The following XRRA1 variants were observed in gnomAD, a reference collection of about 807,000 sequenced individuals.
XRRA1 encodes the protein X-ray radiation resistance-associated protein 1.
A neutral mutation model predicts 80.2 loss-of-function variants in XRRA1; 69 were observed. The ratio of observed to expected loss-of-function variants is 0.86; its 90% CI spans 0.71 to 1.05. The LOEUF is 1.05. Among genes scored for constraint, XRRA1 ranks in the 50% least tolerant of loss-of-function variants. The pLI, the probability that XRRA1 is intolerant of heterozygous loss-of-function variation, is 0.00. For missense variants in XRRA1, 967 were observed against 976.4 expected (o/e 0.99, Z 0.13); for synonymous variants, 348 against 389.9 (o/e 0.89, Z 1.27).
At position 74,935,356 on chromosome 11, in the gene XRRA1, G is replaced by A. The variant is rs539273315; in HGVS notation, c.280-1484C>T. On this transcript the variant is annotated intron_variant, in intron 4 of 18. Coordinates refer to ENST00000684022, the MANE Select transcript of XRRA1 (RefSeq NM_001378157.1). Reference sequence around the variant, plus strand: ...AGAAGGAACACAGGCCTTGCAAGACGTCATTAAGCCTGTAAATTAATCTAC... The same window carrying A: ...AGAAGGAACACAGGCCTTGCAAGACATCATTAAGCCTGTAAATTAATCTAC... Among the ~76,000 whole-genome samples, 10 of 152,278 alleles carry A rather than the reference G, an allele frequency of 6.6e-5. 1 individual carries two copies. In the East Asian group the frequency reaches 1.2e-3, roughly 18 times the overall value.
chr11:74,843,771 G>A (rs2037119823), intron 18 of XRRA1, 83 bp downstream of exon 18: 1 of 1,269,732 alleles, frequency 7.9e-7, no homozygotes, highest in African/African-American at 1.5e-5. Flanking sequence ...GGCCTTTCCT[G>A]CACTGACACA....
chr11:74,938,694 C>T (rs1306753839), intron 3 of XRRA1, among the ~76,000 whole-genome samples: 1 of 151,908 alleles, frequency 6.6e-6, no homozygotes, highest in Admixed American at 6.6e-5. Context: ...GTGCCCTCAC[C>T]CAATGAATTG....
At chr11:74,921,175 C>G (rs751081682) in intron 8 of XRRA1, 39 bp downstream of exon 8, 18 of 1,603,458 alleles carry the variant, frequency 1.1e-5, no homozygotes, top group Non-Finnish European at 1.2e-5. Flanking sequence ...GATATTTGTA[C>G]ACAAAAACAC....
chr11:74,874,590 G>C lies in XRRA1; in HGVS notation c.1004-11569C>G, dbSNP rs1039521688. Among the ~76,000 whole-genome samples, 253 of 152,336 alleles carry C rather than the reference G, an allele frequency of 1.7e-3. 1 individual carries two copies. The highest frequency in any genetic ancestry group is 5.9e-3 in the African/African-American group (244 of 41,578). On this transcript the variant is annotated intron_variant, in intron 10 of 18. Coordinates refer to ENST00000684022, the MANE Select transcript of XRRA1 (RefSeq NM_001378157.1). ...ATTAACCCTGGGAAATAGCTTAACT[G>C]TTTATACCCCACATAATGTAGCACG...
chr11:74,911,225 G>A (rs2055817531), intron 8 of XRRA1: 2 of 152,084 alleles, frequency 1.3e-5, no homozygotes, highest in Admixed American at 1.3e-4. Flanking sequence ...CAATGGTATT[G>A]GTCTGGAGCC....
In XRRA1 at chr11:74,859,198, G is replaced by T. The variant is rs752348513; in HGVS notation, c.1130C>A (p.Pro377His). 6.2e-7 allele frequency: 1 copy of T among 1,609,520 alleles called. No homozygotes were observed. The highest frequency in any genetic ancestry group is 1.1e-5 in the South Asian group (1 of 90,030). The stretch of plus-strand genomic sequence containing the variant: ...GCTAAGGTATCTCAGCTCTGGGAAG[G>T]GTGGGGCCAGCGTCTGGTTCCTGGC... ...LKARNQTLAP[P>H]FPELRYLSLA... Residue 377 changes from proline (P) to histidine (H), a missense_variant, in exon 12 of 19, where the codon CCC becomes CAC. Transcript: ENST00000684022.
At chr11:74,937,335 C>T (rs1945240714) in intron 3 of XRRA1, among the ~76,000 whole-genome samples, 1 of 152,152 alleles carries the variant, frequency 6.6e-6, no homozygotes, top group African/African-American at 2.4e-5. Context: ...TTGCCGAATT[C>T]CTTCCTTCAC....
At chr11:74,903,141 C>T (rs901919859) in intron 10 of XRRA1, among the ~76,000 whole-genome samples, 4 of 152,284 alleles carry the variant, frequency 2.6e-5, no homozygotes, top group African/African-American at 9.6e-5. Flanking sequence ...TGTGAGTGTA[C>T]ACTGAAGCAA....
intron 8 of XRRA1, chr11:74,919,700 C>A: frequency 1.9e-6 from 1 of 516,560 alleles, no homozygotes; most frequent in Non-Finnish European, 3.8e-6. Flanking sequence ...GAGTGGGCTT[C>A]AAGAAGCATG....
intron 10 of XRRA1, among the ~76,000 whole-genome samples, chr11:74,891,165 G>A (rs2050589511): frequency 6.6e-6 from 1 of 152,122 alleles, no homozygotes; most frequent in African/African-American, 2.4e-5. Context: ...TAAAATACTG[G>A]CAAACCGAAT....
chr11:74,913,946 A>C (rs1261501739), intron 8 of XRRA1, among the ~76,000 whole-genome samples: 2 of 152,188 alleles, frequency 1.3e-5, no homozygotes, highest in African/African-American at 4.8e-5. Flanking sequence ...AAAAAATCAC[A>C]AAGTTTCACT....
At chr11:74,875,940 G>A (rs2045942752) in intron 10 of XRRA1, among the ~76,000 whole-genome samples, 1 of 152,136 alleles carries the variant, frequency 6.6e-6, no homozygotes, top group African/African-American at 2.4e-5. Context: ...AGCCATCCAG[G>A]GAAGGACTGG....
intron 11 of XRRA1, among the ~76,000 whole-genome samples, chr11:74,859,569 A>G (rs1375706169): frequency 6.6e-6 from 1 of 152,186 alleles, no homozygotes; most frequent in African/African-American, 2.4e-5. Context: ...TGGTGCAGAC[A>G]TCAGAGGTAC....
At chr11:74,938,972 A>G (rs1945714487) in intron 3 of XRRA1, among the ~76,000 whole-genome samples, 1 of 152,246 alleles carries the variant, frequency 6.6e-6, no homozygotes, top group African/African-American at 2.4e-5. Flanking sequence ...AATGGTTCTT[A>G]CCTACAAAAA....
rs556602990 is a variant in XRRA1, at chr11:74,937,459, C to T, written c.95-391G>A. Among the ~76,000 whole-genome samples, 5 of 152,250 alleles carry T rather than the reference C, an allele frequency of 3.3e-5. No individual in the cohort carries two copies. The East Asian group carries it at 9.6e-4, about 29-fold the overall frequency. ...AGCTGATCCCTCTTTCTCATGCATG[C>T]CAGTTACTCTCCTATTGGTCATCTC... is the stretch of plus-strand genomic sequence containing the variant. On this transcript the variant is annotated intron_variant, in intron 3 of 18. Transcript: ENST00000684022.
In XRRA1 at chr11:74,843,253, CGAG is replaced by C. The variant is rs1565202305; in HGVS notation, c.2347_2349del (p.Leu783del). 5 of 1,568,354 alleles carry C rather than the reference CGAG, an allele frequency of 3.2e-6. No homozygotes were observed. Among genetic ancestry groups the C allele is most frequent in the South Asian group, 2.4e-5 (2 of 85,090 alleles). On this transcript the variant is annotated inframe_deletion, in exon 19 of 19. Coordinates refer to ENST00000684022, the MANE Select transcript of XRRA1 (RefSeq NM_001378157.1). ...TCCTGGCAGAACTCATCCATGAACT[CGAG>C]GAAGTGGCCGAACTTGGGCTGGCTC... is the stretch of plus-strand genomic sequence containing the variant.
intron 8 of XRRA1, among the ~76,000 whole-genome samples, chr11:74,915,933 G>A (rs1029925380): frequency 5.3e-5 from 8 of 152,276 alleles, no homozygotes; most frequent in Admixed American, 5.2e-4. Flanking sequence ...TCTGCTGGAT[G>A]TAGGATTCCT....
intron 1 of XRRA1, 148 bp from the exon 2 acceptor site, chr11:74,945,233 T>C (rs768643600): frequency 2.6e-5 from 4 of 152,388 alleles, no homozygotes; most frequent in African/African-American, 4.8e-5. Context: ...AAGAAACAGA[T>C]AGATACCAAT....
At chr11:74,888,858 A>G (rs1410020376) in intron 10 of XRRA1, among the ~76,000 whole-genome samples, 1 of 151,530 alleles carries the variant, frequency 6.6e-6, no homozygotes, top group Non-Finnish European at 1.5e-5. Context: ...AAACTGAGAG[A>G]AAAAAGAATA....
Sources: gnomAD v4.1 joint callset for allele counts (sites outside exome capture counted in the v4.1 genomes callset) on GRCh38, gnomAD v4.1.1 for gene constraint, MANE v1.5 for transcripts, NCBI Gene and HGNC (gene_info 2026-07-23, HGNC 2026-07-21) for gene names.